Variants in SHTN1 observed in about 807,000 individuals in gnomAD.
The protein encoded by SHTN1 is shootin-1.
In SHTN1, 42 loss-of-function variants were observed where a neutral mutation model predicts 83.1. That is an observed-to-expected ratio of 0.51 (90% CI 0.39 to 0.65). The LOEUF is 0.65. Among genes scored for constraint, SHTN1 ranks in the 30% least tolerant of loss-of-function variants. SHTN1 has a pLI of 0.00. For synonymous variants in SHTN1, 224 were observed against 247.7 expected (o/e 0.90, Z 0.90); for missense variants, 622 against 737.8 (o/e 0.84, Z 1.82).
chr10:116,969,192 C>T (rs970509864), intron 2 of SHTN1, among the ~76,000 whole-genome samples: 2 of 151,916 alleles, frequency 1.3e-5, no homozygotes, highest in Non-Finnish European at 2.9e-5. Context: ...TCTGGGAGGC[C>T]GAGGCAGGCA....
At chr10:117,004,068 G>C (rs573079095) in intron 1 of SHTN1, among the ~76,000 whole-genome samples, 1 of 151,990 alleles carries the variant, frequency 6.6e-6, no homozygotes, top group South Asian at 2.1e-4. Context: ...TGTATTTTTA[G>C]TAGAGATAGG....
intron 1 of SHTN1, among the ~76,000 whole-genome samples, chr10:116,998,323 T>C (rs1342648767): frequency 3.3e-5 from 5 of 152,160 alleles, no homozygotes; most frequent in Non-Finnish European, 7.3e-5. Flanking sequence ...TGACAGACAG[T>C]AGTTTCCCTC....
intron 16 of SHTN1, chr10:116,901,377 T>G (rs1439843161): frequency 7.1e-6 from 7 of 985,308 alleles, no homozygotes; most frequent in Non-Finnish European, 8.4e-6. Context: ...AACGTGCCCT[T>G]CTAAGTAGTC....
chr10:116,995,082 A>T (rs1851581131), intron 1 of SHTN1, among the ~76,000 whole-genome samples: 1 of 152,178 alleles, frequency 6.6e-6, no homozygotes, highest in South Asian at 2.1e-4. Context: ...TGTCAACTGC[A>T]TTATTATCAT....
intron 1 of SHTN1, among the ~76,000 whole-genome samples, chr10:117,074,221 G>T (rs1403992077): frequency 6.6e-6 from 1 of 152,030 alleles, no homozygotes; most frequent in Non-Finnish European, 1.5e-5. Context: ...CTCCCTAATA[G>T]CTTTTGAGCT....
intron 1 of SHTN1, among the ~76,000 whole-genome samples, chr10:117,096,101 C>T (rs191134706): frequency 1.8e-4 from 28 of 152,270 alleles, no homozygotes; most frequent in Non-Finnish European, 1.8e-4. Context: ...TGTTTTACCT[C>T]TAATATCTTT....
At chr10:117,091,334 T>C (rs1853427601) in intron 1 of SHTN1, among the ~76,000 whole-genome samples, 1 of 152,200 alleles carries the variant, frequency 6.6e-6, no homozygotes, top group Non-Finnish European at 1.5e-5. Context: ...TTAAATTTTA[T>C]AGATGAGGAA....
intron 1 of SHTN1, among the ~76,000 whole-genome samples, chr10:117,089,279 A>T (rs1327381090): frequency 6.6e-6 from 1 of 152,216 alleles, no homozygotes; most frequent in Non-Finnish European, 1.5e-5. Context: ...GAAACAGTAC[A>T]CTTAAAACAA....
At chr10:117,069,846 AT>A (rs1853055749) in intron 1 of SHTN1, among the ~76,000 whole-genome samples, 1 of 152,144 alleles carries the variant, frequency 6.6e-6, no homozygotes, top group Non-Finnish European at 1.5e-5. Context: ...TCAGCAACCA[AT>A]TTTTATTAAT....
At chr10:117,089,064 C>T (rs1853391120) in intron 1 of SHTN1, among the ~76,000 whole-genome samples, 1 of 152,146 alleles carries the variant, frequency 6.6e-6, no homozygotes, top group African/African-American at 2.4e-5. Context: ...CCCACTAACC[C>T]ATGGTAGGGC....
chr10:116,949,856 A>G (rs1038191972), intron 6 of SHTN1, among the ~76,000 whole-genome samples: 6 of 152,276 alleles, frequency 3.9e-5, no homozygotes, highest in African/African-American at 1.2e-4. Context: ...AATACTATAG[A>G]AAAGTTTTTT....
intron 1 of SHTN1, among the ~76,000 whole-genome samples, chr10:117,082,501 A>G (rs1363618239): frequency 6.6e-5 from 10 of 151,862 alleles, no homozygotes; most frequent in Admixed American, 6.6e-4. Flanking sequence ...GCTGAAAAAA[A>G]TGTATACTCT....
chr10:116,982,796 T>C (rs1851073291), intron 1 of SHTN1, among the ~76,000 whole-genome samples: 1 of 151,956 alleles, frequency 6.6e-6, no homozygotes, highest in African/African-American at 2.4e-5. Flanking sequence ...GCATCTCTTC[T>C]AAAAATACAA....
At chr10:116,975,088 T>C (rs1165772881) in intron 2 of SHTN1, among the ~76,000 whole-genome samples, 1 of 152,096 alleles carries the variant, frequency 6.6e-6, no homozygotes, top group Admixed American at 6.6e-5. Flanking sequence ...ACTTAGAAAA[T>C]GGGCAAAAAA....
intron 2 of SHTN1, among the ~76,000 whole-genome samples, chr10:117,044,803 C>T (rs569207337): frequency 1.1e-4 from 17 of 152,094 alleles, no homozygotes; most frequent in Non-Finnish European, 2.2e-4. Flanking sequence ...CAATGAGAGA[C>T]GATGAAATTT....
intron 1 of SHTN1, among the ~76,000 whole-genome samples, chr10:117,087,939 C>T (rs1853373543): frequency 1.3e-5 from 2 of 152,128 alleles, no homozygotes; most frequent in Admixed American, 6.5e-5. Flanking sequence ...CTCATCTCTA[C>T]TAAAAGTGTA....
intron 2 of SHTN1, among the ~76,000 whole-genome samples, chr10:117,047,841 T>A (rs1160908221): frequency 6.7e-6 from 1 of 149,466 alleles, no homozygotes; most frequent in East Asian, 2.0e-4. Context: ...GGTCTTGAAC[T>A]CTGGACCTCA....
At chr10:117,077,454 C>CT (rs542008461) in intron 1 of SHTN1, among the ~76,000 whole-genome samples, 16 of 148,100 alleles carry the variant, frequency 1.1e-4, no homozygotes, top group South Asian at 2.2e-4. Context: ...TCACCAAAAT[C>CT]TTTTTTTTTT....
intron 1 of SHTN1, among the ~76,000 whole-genome samples, chr10:117,111,675 C>T (rs1230207851): frequency 6.6e-6 from 1 of 152,104 alleles, no homozygotes; most frequent in African/African-American, 2.4e-5. Flanking sequence ...ATTAGATCAT[C>T]CCTTCCAGCT....
Sources: allele counts gnomAD v4.1 joint callset (sites outside exome capture counted in the v4.1 genomes callset), GRCh38; gene constraint gnomAD v4.1.1; transcripts MANE v1.5; gene names NCBI Gene and HGNC (gene_info 2026-07-23, HGNC 2026-07-21).